The following KCNB2 variants were observed in gnomAD, a reference collection of about 807,000 sequenced individuals.
KCNB2 encodes the protein delayed rectifier potassium channel protein.
KCNB2 carries 15 observed loss-of-function variants against 61.5 expected under a neutral mutation model. That is an observed-to-expected ratio of 0.24 (90% CI 0.16 to 0.38). The LOEUF (loss-of-function observed/expected upper bound fraction) is 0.38, where lower values mean the gene tolerates loss of function less well. KCNB2 is among the 10% of genes least tolerant of loss of function. The probability of loss-of-function intolerance (pLI) is 1.00; values close to 1 mark genes in which losing one functional copy is unlikely to be tolerated. For synonymous variants in KCNB2, 457 were observed against 446.0 expected (o/e 1.02, Z -0.31); for missense variants, 828 against 1,125.2 (o/e 0.74, Z 3.78).
intron 2 of KCNB2, among the ~76,000 whole-genome samples, chr8:72,789,438 TTTGAACCA>T (rs1324166095): frequency 1.3e-5 from 2 of 152,126 alleles, no homozygotes; most frequent in Admixed American, 1.3e-4. Context: ...TCTAAATCTT[TTTGAACCA>T]TGGAAGATCT....
At chr8:72,793,513 G>A (rs1436695760) in intron 2 of KCNB2, among the ~76,000 whole-genome samples, 2 of 152,130 alleles carry the variant, frequency 1.3e-5, no homozygotes, top group African/African-American at 4.8e-5. Flanking sequence ...ACATGGATGT[G>A]GAGGTAGGCA....
In KCNB2 at chr8:72,619,205, C is replaced by A. The variant is rs528506627; in HGVS notation, c.579+50892C>A. On this transcript the variant is annotated intron_variant, in intron 2 of 2. Transcript: ENST00000523207. ...AGATCAGATGTCGAATTATTCACTG[C>A]AGGGATAAACCTAGCTAGTGAGGTA... 19 of 530,024 alleles carry A rather than the reference C, an allele frequency of 3.6e-5. No individual in the cohort carries two copies. In the East Asian group the frequency reaches 8.8e-4, roughly 25 times the overall value. The allele number at this position is 530,024 out of a possible 1,614,324, so 32.8% of individuals were successfully genotyped here.
intron 2 of KCNB2, among the ~76,000 whole-genome samples, chr8:72,777,091 A>T (rs1241628371): frequency 3.3e-5 from 5 of 152,204 alleles, no homozygotes; most frequent in Admixed American, 2.0e-4. Flanking sequence ...TTGCACCAAG[A>T]CTTTAAAAAT....
chr8:72,632,775 A>G (rs1052962888), intron 2 of KCNB2, among the ~76,000 whole-genome samples: 5 of 152,198 alleles, frequency 3.3e-5, no homozygotes, highest in African/African-American at 1.2e-4. Flanking sequence ...AACTGCTGGC[A>G]TCAAAGGTGT....
intron 2 of KCNB2, among the ~76,000 whole-genome samples, chr8:72,720,942 A>G (rs1404196707): frequency 6.6e-6 from 1 of 152,188 alleles, no homozygotes; most frequent in East Asian, 1.9e-4. Context: ...ATTTCTATTA[A>G]GTCTTCACAT....
chr8:72,762,046 A>G (rs917477057), intron 2 of KCNB2, among the ~76,000 whole-genome samples: 26 of 152,242 alleles, frequency 1.7e-4, no homozygotes, highest in African/African-American at 5.8e-4. Flanking sequence ...GTTTAGAGAT[A>G]CTTGTATTTC....
chr8:72,598,322 G>T (rs1243730414), intron 2 of KCNB2, among the ~76,000 whole-genome samples: 1,024 of 125,072 alleles, frequency 8.2e-3, no homozygotes, highest in South Asian at 0.012. Flanking sequence ...ACGTAATCCA[G>T]CATATAAACA....
chr8:72,654,901 C>G (rs1012227947), intron 2 of KCNB2, among the ~76,000 whole-genome samples: 1 of 152,050 alleles, frequency 6.6e-6, no homozygotes, highest in African/African-American at 2.4e-5. Flanking sequence ...GGCGATTTCT[C>G]AAAGAACTTA....
At chr8:72,821,532 G>T (rs1463052835) in intron 2 of KCNB2, among the ~76,000 whole-genome samples, 1 of 147,960 alleles carries the variant, frequency 6.8e-6, no homozygotes, top group African/African-American at 2.5e-5. Flanking sequence ...TACAAGTTTT[G>T]CAAAGTGTGA....
At chr8:72,556,061 T>C (rs771246279) in intron 1 of KCNB2, among the ~76,000 whole-genome samples, 16 of 152,148 alleles carry the variant, frequency 1.1e-4, no homozygotes, top group Non-Finnish European at 2.1e-4. Context: ...TTTCTCATTA[T>C]TTATTTCAAG....
At chr8:72,756,153 C>A (rs1012519071) in intron 2 of KCNB2, among the ~76,000 whole-genome samples, 1 of 152,204 alleles carries the variant, frequency 6.6e-6, no homozygotes, top group South Asian at 2.1e-4. Flanking sequence ...GGAGCAGGCT[C>A]TGAAACACCT....
chr8:72,729,878 T>TC (rs1200667000), intron 2 of KCNB2, among the ~76,000 whole-genome samples: 2 of 149,602 alleles, frequency 1.3e-5, no homozygotes, highest in African/African-American at 2.5e-5. Flanking sequence ...AGAGCAAAAC[T>TC]CCGTCTCAAA....
chr8:72,771,628 T>C (rs1808562105), intron 2 of KCNB2, among the ~76,000 whole-genome samples: 2 of 152,018 alleles, frequency 1.3e-5, no homozygotes. Context: ...CCAAGTCTCA[T>C]TGAGTAGGTG....
intron 2 of KCNB2, among the ~76,000 whole-genome samples, chr8:72,711,078 C>G (rs764691394): frequency 1.1e-4 from 17 of 152,230 alleles, no homozygotes; most frequent in Admixed American, 2.0e-4. Context: ...GAGCATCGCT[C>G]TCACTGCAGG....
chr8:72,734,802 C>T (rs561957730), intron 2 of KCNB2, among the ~76,000 whole-genome samples: 9 of 152,256 alleles, frequency 5.9e-5, no homozygotes, highest in Non-Finnish European at 1.2e-4. Context: ...GGAAGATTTT[C>T]GACAGCTTCA....
At chr8:72,734,060 T>G (rs1460871604) in intron 2 of KCNB2, among the ~76,000 whole-genome samples, 1 of 152,204 alleles carries the variant, frequency 6.6e-6, no homozygotes, top group African/African-American at 2.4e-5. Flanking sequence ...TACGGAGTAT[T>G]TATCATCTGC....
chr8:72,729,768 A>C (rs2128993405), intron 2 of KCNB2, among the ~76,000 whole-genome samples: 1 of 152,210 alleles, frequency 6.6e-6, no homozygotes, highest in South Asian at 2.1e-4. Context: ...TTGTAATCCC[A>C]GCTACTTGGG....
At chr8:72,658,004 G>A (rs34347562) in intron 2 of KCNB2, among the ~76,000 whole-genome samples, 2,237 of 152,188 alleles carry the variant, frequency 0.015, 42 homozygotes, top group African/African-American at 0.052. Flanking sequence ...CTGAGACCCA[G>A]CAATATTGAA....
At chr8:72,838,995 AT>A in intron 2 of KCNB2, among the ~76,000 whole-genome samples, 1 of 152,170 alleles carries the variant, frequency 6.6e-6, no homozygotes, top group Non-Finnish European at 1.5e-5. Context: ...TATTTTAGAA[AT>A]TTTTAAAATT....
Sources: allele counts gnomAD v4.1 joint callset (sites outside exome capture counted in the v4.1 genomes callset), GRCh38; gene constraint gnomAD v4.1.1; transcripts MANE v1.5; gene names NCBI Gene and HGNC (gene_info 2026-07-23, HGNC 2026-07-21).